Variants in AFG2A observed in about 807,000 individuals in gnomAD.
AFG2A encodes the protein ATPase family gene 2 protein homolog A.
chr4:123,142,810 A>T, the AFG2A span, among the ~76,000 whole-genome samples: 1 of 152,108 alleles, frequency 6.6e-6, no homozygotes. Flanking sequence ...TTAAAATAGG[A>T]ATGATAACTC....
the AFG2A span, chr4:123,028,400 G>T: frequency 6.2e-7 from 1 of 1,613,806 alleles, no homozygotes. Context: ...ATAAAGGTAG[G>T]GTGTTAAATT....
the AFG2A span, among the ~76,000 whole-genome samples, chr4:123,001,342 C>T: frequency 1.3e-5 from 2 of 152,134 alleles, no homozygotes; most frequent in African/African-American, 2.4e-5. Context: ...TTGCCTTCTG[C>T]TAGCTTTTGA....
chr4:123,126,305 T>C, the AFG2A span, among the ~76,000 whole-genome samples: 1 of 152,242 alleles, frequency 6.6e-6, no homozygotes, highest in Non-Finnish European at 1.5e-5. Flanking sequence ...CATGAATTTT[T>C]TATTTTTGAG....
At chr4:122,953,674 A>G in the AFG2A span, among the ~76,000 whole-genome samples, 10 of 152,338 alleles carry the variant, frequency 6.6e-5, no homozygotes, top group African/African-American at 2.4e-4. Flanking sequence ...TCTGACCAGA[A>G]CAGCATTAGG....
the AFG2A span, among the ~76,000 whole-genome samples, chr4:123,081,510 TA>T: frequency 6.6e-6 from 1 of 152,206 alleles, no homozygotes; most frequent in Non-Finnish European, 1.5e-5. Context: ...TGTCTGGACC[TA>T]CCTCAGTTTA....
the AFG2A span, among the ~76,000 whole-genome samples, chr4:123,111,622 G>T: frequency 5.2e-4 from 79 of 152,134 alleles, no homozygotes; most frequent in Admixed American, 1.4e-3. Context: ...AGATAGCCAG[G>T]AAAGAGTAAA....
the AFG2A span, among the ~76,000 whole-genome samples, chr4:122,951,458 A>G: frequency 6.6e-6 from 1 of 150,842 alleles, no homozygotes; most frequent in Non-Finnish European, 1.5e-5. Context: ...ACACACACAC[A>G]CGCACGCACA....
At chr4:123,015,058 C>T in the AFG2A span, among the ~76,000 whole-genome samples, 126,544 of 152,210 alleles carry the variant, frequency 0.83, 53,754 homozygotes, top group East Asian at 0.96. Context: ...CCTCTTTGAA[C>T]ACTCAGCCCT....
the AFG2A span, among the ~76,000 whole-genome samples, chr4:122,932,384 A>G: frequency 4.0e-5 from 6 of 151,788 alleles, no homozygotes; most frequent in Non-Finnish European, 7.4e-5. Flanking sequence ...GTAGAGATGA[A>G]TTTTTGCCAT....
the AFG2A span, among the ~76,000 whole-genome samples, chr4:123,189,508 C>T: frequency 6.6e-6 from 1 of 151,840 alleles, no homozygotes; most frequent in Admixed American, 6.6e-5. Context: ...CTCCGTTAAC[C>T]CTCAATGTAC....
chr4:123,152,581 T>C, the AFG2A span, among the ~76,000 whole-genome samples: 1 of 152,202 alleles, frequency 6.6e-6, no homozygotes, highest in Non-Finnish European at 1.5e-5. Flanking sequence ...CTTGTTAGAA[T>C]GGTCAAATTC....
chr4:123,004,273 T>A, the AFG2A span, among the ~76,000 whole-genome samples: 2 of 152,222 alleles, frequency 1.3e-5, no homozygotes, highest in Non-Finnish European at 2.9e-5. Flanking sequence ...AGTGAGGAAA[T>A]GCCTCGGCCT....
the AFG2A span, among the ~76,000 whole-genome samples, chr4:123,127,081 C>A: frequency 2.0e-4 from 31 of 152,022 alleles, no homozygotes. Context: ...TCAGCTGTAG[C>A]CCTGGCTACT....
the AFG2A span, among the ~76,000 whole-genome samples, chr4:122,923,983 A>G: frequency 6.6e-6 from 1 of 152,256 alleles, no homozygotes; most frequent in Admixed American, 6.5e-5. Context: ...GAACGTATTT[A>G]TACTGAAAAG....
chr4:123,089,621 G>T, the AFG2A span, among the ~76,000 whole-genome samples: 11 of 151,544 alleles, frequency 7.3e-5, no homozygotes, highest in African/African-American at 1.5e-4. Flanking sequence ...ATCTCACTCT[G>T]TTGCCCAGGC....
chr4:122,926,879 A>G, the AFG2A span, among the ~76,000 whole-genome samples: 18 of 152,348 alleles, frequency 1.2e-4, no homozygotes, highest in Non-Finnish European at 1.6e-4. Flanking sequence ...ATAGGACCCA[A>G]TTCCTGCTTC....
chr4:123,290,646 A>G, the AFG2A span, among the ~76,000 whole-genome samples: 1 of 152,216 alleles, frequency 6.6e-6, no homozygotes, highest in Admixed American at 6.5e-5. Flanking sequence ...GGAGCAATTC[A>G]CATCTTAAAT....
chr4:123,061,441 A>T, the AFG2A span, among the ~76,000 whole-genome samples: 4 of 152,160 alleles, frequency 2.6e-5, no homozygotes, highest in Non-Finnish European at 5.9e-5. Context: ...ATCATGGAGG[A>T]AGGTGAAGGA....
the AFG2A span, among the ~76,000 whole-genome samples, chr4:123,283,468 CA>C: frequency 6.6e-6 from 1 of 151,846 alleles, no homozygotes; most frequent in Middle Eastern, 3.2e-3. Context: ...TAAGCTAATG[CA>C]AAAAAAGAAC....
Sources: gnomAD v4.1 joint callset for allele counts (sites outside exome capture counted in the v4.1 genomes callset) on GRCh38, gnomAD v4.1.1 for gene constraint, MANE v1.5 for transcripts, NCBI Gene and HGNC (gene_info 2026-07-23, HGNC 2026-07-21) for gene names.